The following OR11A1 variants were observed in gnomAD, a reference collection of about 807,000 sequenced individuals.
The protein encoded by OR11A1 is olfactory receptor 11A1.
For missense variants in OR11A1, 380 were observed against 378.2 expected (o/e 1.00, Z -0.04); for synonymous variants, 158 against 152.2 (o/e 1.04, Z -0.28).
chr6:29,438,639 T>G (rs1211240997), intron 1 of OR11A1, among the ~76,000 whole-genome samples: 1 of 152,240 alleles, frequency 6.6e-6, no homozygotes, highest in Non-Finnish European at 1.5e-5. Flanking sequence ...GAAATGTTCT[T>G]AACAGGTCAT....
intron 2 of OR11A1, among the ~76,000 whole-genome samples, chr6:29,430,670 G>T (rs1051333224): frequency 6.6e-6 from 1 of 152,204 alleles, no homozygotes. Context: ...GAAAGGTGAG[G>T]TGGGAAGGGG....
chr6:29,441,109 G>T (rs1049113435), intron 1 of OR11A1: 13 of 599,224 alleles, frequency 2.2e-5, no homozygotes, highest in Non-Finnish European at 3.5e-5. Context: ...AGTCAAATGC[G>T]CTCCTCAGAC....
At chr6:29,447,595 G>C (rs1258667797) in intron 1 of OR11A1, among the ~76,000 whole-genome samples, 1 of 152,218 alleles carries the variant, frequency 6.6e-6, no homozygotes, top group African/African-American at 2.4e-5. Context: ...CTAGAGATAA[G>C]TACAGGGGTG....
At chr6:29,441,732 C>G (rs965565278) in intron 1 of OR11A1, among the ~76,000 whole-genome samples, 5 of 152,182 alleles carry the variant, frequency 3.3e-5, no homozygotes, top group Non-Finnish European at 7.3e-5. Flanking sequence ...CCTCACCCTT[C>G]TTCTATCCTC....
chr6:29,455,824 C>T (rs1786086410), intron 1 of OR11A1, among the ~76,000 whole-genome samples: 1 of 132,908 alleles, frequency 7.5e-6, no homozygotes, highest in South Asian at 2.4e-4. Flanking sequence ...TTTAGTGAGC[C>T]GAGATCGTGC....
At chr6:29,440,749 T>C (rs1279901896) in intron 1 of OR11A1, 12 of 1,613,944 alleles carry the variant, frequency 7.4e-6, no homozygotes, top group Admixed American at 1.7e-5. Flanking sequence ...TCCCACCTGA[T>C]CATGGTCTCC....
chr6:29,426,983 G>A lies in OR11A1; in HGVS notation c.659C>T (p.Ala220Val). The change falls in exon 5 of 5, where the codon GCC becomes GTC. Residue 220 changes from alanine to valine, a missense_variant. Transcript: ENST00000377149. ...IPFGLILTSY[A>V]RIVVAVLRVP... is the part of the protein sequence containing the mutation. ...TCTCAGCACTGCCACCACAATTCTG[G>A]CATAAGATGTCAGAATCAGTCCAAA... 6.2e-7 allele frequency: 1 copy of A among 1,612,932 alleles called. No individual in the cohort carries two copies. Among genetic ancestry groups the A allele is most frequent in the Non-Finnish European group, 8.5e-7 (1 of 1,180,012 alleles).
intron 2 of OR11A1, among the ~76,000 whole-genome samples, chr6:29,430,937 A>T (rs2151365727): frequency 6.6e-6 from 1 of 152,192 alleles, no homozygotes; most frequent in Non-Finnish European, 1.5e-5. Flanking sequence ...AGAGTTGAAA[A>T]CTCCAAGGAA....
At chr6:29,436,708 A>T (rs550577636) in intron 1 of OR11A1, among the ~76,000 whole-genome samples, 5 of 152,266 alleles carry the variant, frequency 3.3e-5, no homozygotes, top group Non-Finnish European at 7.3e-5. Context: ...AAGATGAGAA[A>T]TATGAGTCTC....
chr6:29,442,943 T>G (rs1347885147), intron 1 of OR11A1, among the ~76,000 whole-genome samples: 1 of 152,254 alleles, frequency 6.6e-6, no homozygotes, highest in African/African-American at 2.4e-5. Flanking sequence ...CAACTCATCT[T>G]TCCTAGAACT....
At chr6:29,431,634 A>T (rs990068739) in intron 2 of OR11A1, among the ~76,000 whole-genome samples, 1 of 152,184 alleles carries the variant, frequency 6.6e-6, no homozygotes, top group East Asian at 1.9e-4. Flanking sequence ...ACCCAGAAGG[A>T]TTAGAAATCA....
chr6:29,429,717 G>A (rs765152862), intron 3 of OR11A1, among the ~76,000 whole-genome samples: 1 of 152,150 alleles, frequency 6.6e-6, no homozygotes, highest in African/African-American at 2.4e-5. Context: ...GTAGCAGGGG[G>A]TAAGTAGCCA....
chr6:29,442,656 C>A (rs1784313489), intron 1 of OR11A1, among the ~76,000 whole-genome samples: 1 of 151,992 alleles, frequency 6.6e-6, no homozygotes, highest in South Asian at 2.1e-4. Flanking sequence ...AGCGAAAAGA[C>A]AAAGGTGTTA....
chr6:29,454,904 C>T (rs780418814), intron 1 of OR11A1, among the ~76,000 whole-genome samples: 1 of 151,558 alleles, frequency 6.6e-6, no homozygotes, highest in African/African-American at 2.4e-5. Context: ...TTTTTTTTAT[C>T]GCTTCTCGGC....
chr6:29,436,072 C>T (rs1407227715), intron 1 of OR11A1, among the ~76,000 whole-genome samples: 1 of 152,132 alleles, frequency 6.6e-6, no homozygotes, highest in East Asian at 1.9e-4. Context: ...CACCTGCTCC[C>T]TAACATCTAT....
intron 1 of OR11A1, chr6:29,439,264 G>A (rs778612755): frequency 2.6e-5 from 4 of 152,168 alleles, no homozygotes; most frequent in Non-Finnish European, 4.4e-5. Flanking sequence ...GGATTTTCAT[G>A]TTTACAATGT....
chr6:29,440,291 T>C, intron 1 of OR11A1: 3 of 1,614,044 alleles, frequency 1.9e-6, no homozygotes, highest in Middle Eastern at 1.6e-4. Context: ...GCCACATCTC[T>C]CGCTCTGGAT....
chr6:29,427,598 A>C lies in OR11A1; in HGVS notation c.44T>G (p.Val15Gly). ...STGNETITEF[V>G]LLGFYDIPEL... ...AGGGATGTCATAGAAGCCAAGGAGG[A>C]CAAATTCAGTAATAGTTTCGTTTCC... The change falls in exon 5 of 5, where the codon GTC becomes GGC. Residue 15 changes from valine to glycine, a missense_variant. By Grantham distance (109) the Val-to-Gly change is moderately radical (BLOSUM62 -3). Transcript: ENST00000377149. The C allele has an allele frequency of 6.2e-7, 1 of 1,612,378 alleles. No homozygotes were observed. The highest frequency in any genetic ancestry group is 8.5e-7 in the Non-Finnish European group (1 of 1,179,632).
chr6:29,441,092 C>T (rs1383275875), intron 1 of OR11A1: 1 of 619,058 alleles, frequency 1.6e-6, no homozygotes, highest in African/African-American at 1.8e-5. Flanking sequence ...CTTTGAAAAG[C>T]TACCGTAGTC....
Sources: gnomAD v4.1 joint callset for allele counts (sites outside exome capture counted in the v4.1 genomes callset) on GRCh38, gnomAD v4.1.1 for gene constraint, MANE v1.5 for transcripts, NCBI Gene and HGNC (gene_info 2026-07-23, HGNC 2026-07-21) for gene names.